Variants in FUNDC2 observed in about 807,000 individuals in gnomAD.
The protein encoded by FUNDC2 is FUN14 domain containing 2.
In FUNDC2, 4 loss-of-function variants were observed where a neutral mutation model predicts 15.6. The observed-to-expected ratio is 0.26, with a 90% confidence interval of 0.13 to 0.59. The LOEUF is 0.59. Among genes scored for constraint, FUNDC2 ranks in the 20% least tolerant of loss-of-function variants. FUNDC2 has a pLI of 0.90. For synonymous variants in FUNDC2, 44 were observed against 56.9 expected (o/e 0.77, Z 1.02); for missense variants, 98 against 149.7 (o/e 0.65, Z 1.80).
At chrX:155,033,907 A>G (rs1012384895) in intron 2 of FUNDC2, among the ~76,000 whole-genome samples, 2 of 112,553 alleles carry the variant, frequency 1.8e-5, no homozygotes, top group African/African-American at 6.5e-5. Context: ...GGAGCTAACT[A>G]CTTATTAGCT....
chrX:155,043,140 A>G (rs2073852823), intron 2 of FUNDC2, among the ~76,000 whole-genome samples: 1 of 111,112 alleles, frequency 9.0e-6, no homozygotes, highest in Non-Finnish European at 1.9e-5. Flanking sequence ...GGGACTCACT[A>G]TGTTGCCCAG....
In FUNDC2 at chrX:155,058,238, G is replaced by C. The variant is rs782159857; in HGVS notation, c.*3566G>C. On this transcript the variant is annotated 3_prime_UTR_variant, in exon 5 of 5. Transcript: ENST00000369498. ...CAAGTTGGCGGACTAGATTCTACAAGGAATGATCTCTTGCATAATTCTAGC... is the reference window on the plus strand; with the variant it reads ...CAAGTTGGCGGACTAGATTCTACAACGAATGATCTCTTGCATAATTCTAGC... 9.0e-6 allele frequency: 1 copy of C among 111,499 alleles called. No homozygotes were observed. Among genetic ancestry groups the C allele is most frequent in the Admixed American group, 9.5e-5 (1 of 10,518 alleles). The allele number at this position is 111,499 out of a possible 1,213,427, so 9.2% of individuals were successfully genotyped here.
intron 2 of FUNDC2, among the ~76,000 whole-genome samples, chrX:155,035,849 T>G (rs1354705651): frequency 8.9e-6 from 1 of 112,169 alleles, no homozygotes; most frequent in African/African-American, 3.2e-5. Flanking sequence ...AACAGTTCAT[T>G]CCTTTTTATT....
At chrX:155,048,585 C>CT (rs1207831732) in intron 3 of FUNDC2, among the ~76,000 whole-genome samples, 3 of 112,073 alleles carry the variant, frequency 2.7e-5, no homozygotes, top group Admixed American at 1.9e-4. Context: ...GTTGCAGCTA[C>CT]TTTTGTGTTT....
chrX:155,034,638 T>G (rs888419756), intron 2 of FUNDC2, among the ~76,000 whole-genome samples: 5 of 112,334 alleles, frequency 4.5e-5, no homozygotes, highest in Non-Finnish European at 9.4e-5. Context: ...AAGGACCAAA[T>G]GAACCTGTTG....
At chrX:155,041,942 G>A (rs1348238701) in intron 2 of FUNDC2, among the ~76,000 whole-genome samples, 4 of 106,852 alleles carry the variant, frequency 3.7e-5, no homozygotes, top group African/African-American at 1.4e-4. Context: ...GGTGGCGGGC[G>A]CCTGTAGTCC....
At chrX:155,039,401 C>T (rs965404462) in intron 2 of FUNDC2, among the ~76,000 whole-genome samples, 4 of 111,922 alleles carry the variant, frequency 3.6e-5, no homozygotes, top group South Asian at 3.6e-4. Context: ...CTCTGCTTTT[C>T]GGGTCATATC....
At position 155,036,588 on chromosome X, in the gene FUNDC2, G is replaced by A. The variant is rs181621270; in HGVS notation, c.284+3035G>A. ...TCCAGGGTCACCAAGATTTTCTCTC[G>A]CTTTTTCTAGATTGTATATAGGTTC... On this transcript the variant is annotated intron_variant, in intron 2 of 4. Coordinates refer to ENST00000369498, the MANE Select transcript of FUNDC2 (RefSeq NM_023934.4). Among the ~76,000 whole-genome samples the A allele has an allele frequency of 5.4e-5, 6 of 111,231 alleles. No individual in the cohort carries two copies. The East Asian group carries it at 1.1e-3, about 21-fold the overall frequency.
intron 1 of FUNDC2, 94 bp from the exon 2 acceptor site, chrX:155,033,309 T>G: frequency 1.4e-6 from 1 of 701,313 alleles, no homozygotes; most frequent in Non-Finnish European, 2.1e-6. Context: ...TATTTGGAGG[T>G]TTCTTATTAC....
At chrX:155,030,440 C>G (rs2092848010) in intron 1 of FUNDC2, among the ~76,000 whole-genome samples, 1 of 106,344 alleles carries the variant, frequency 9.4e-6, no homozygotes, top group Non-Finnish European at 1.9e-5. Flanking sequence ...ACTGGGGAGG[C>G]TGAGGTGGGA....
rs1213774274 is a variant in FUNDC2, at chrX:155,059,357, G to GA, written c.*4689dup. ...ACAAATGACTTACCCATTACGAAGG[G>GA]AAAACTACCTTTCTAGCTAAAAGGT... On this transcript the variant is annotated 3_prime_UTR_variant, in exon 5 of 5. Coordinates refer to ENST00000369498, the MANE Select transcript of FUNDC2 (RefSeq NM_023934.4). The GA allele has an allele frequency of 1.8e-5, 2 of 111,341 alleles. No individual in the cohort carries two copies. Among genetic ancestry groups the GA allele is most frequent in the East Asian group, 5.6e-4 (2 of 3,562 alleles). 9.2% of individuals were successfully genotyped at this position (111,341 alleles called of 1,213,427 possible). A position where few individuals can be genotyped will look rare whatever the true frequency, so the allele number is the denominator to read the frequency against.
chrX:155,028,118 G>GCCTTTTATAA (rs1557288459), intron 1 of FUNDC2, among the ~76,000 whole-genome samples: 1 of 111,457 alleles, frequency 9.0e-6, no homozygotes, highest in African/African-American at 3.3e-5. Flanking sequence ...TGCTCTTATA[G>GCCTTTTATAA]GTTGATCAGG....
chrX:155,046,625 C>G (rs2073863467), intron 3 of FUNDC2, 41 bp downstream of exon 3: 5 of 1,050,290 alleles, frequency 4.8e-6, no homozygotes, highest in Non-Finnish European at 5.3e-6. Context: ...GAAATTCCAC[C>G]TGCCCATTAA....
Position 155,054,629 on chromosome X carries a change from C to G in FUNDC2, c.527C>G (p.Thr176Ser). ...TTTGTGAAGAAGAATGTTCTAGTAACTGGGGGATTTTTCGGAGGCTTTCTG... is the reference window on the plus strand; with the variant it reads ...TTTGTGAAGAAGAATGTTCTAGTAAGTGGGGGATTTTTCGGAGGCTTTCTG... ...VSFVKKNVLV[T>S]GGFFGGFLLG... Residue 176 changes from threonine to serine, a missense_variant, in exon 5 of 5, where the codon ACT becomes AGT. Transcript: ENST00000369498. The G allele has an allele frequency of 8.3e-7, 1 of 1,211,195 alleles. No individual in the cohort carries two copies. Among genetic ancestry groups the G allele is most frequent in the Non-Finnish European group, 1.1e-6 (1 of 895,133 alleles).
chrX:155,033,769 A>T (rs1212803208), intron 2 of FUNDC2, among the ~76,000 whole-genome samples: 1 of 112,303 alleles, frequency 8.9e-6, no homozygotes, highest in Admixed American at 9.4e-5. Flanking sequence ...AAGTATTTAC[A>T]TAGATATCTC....
At position 155,053,807 on chromosome X, in the gene FUNDC2, T is replaced by C. The variant is rs1209614871; in HGVS notation, c.493-788T>C. On this transcript the variant is annotated intron_variant, in intron 4 of 4. Transcript: ENST00000369498. ...CAGGATGTTGGATGTCTTGTTCATA[T>C]GAACACTTTCTAAGGTGGTGATCAC... is the stretch of plus-strand genomic sequence containing the variant. The C allele has an allele frequency of 1.1e-5, 8 of 750,186 alleles. No homozygotes were observed. In the Admixed American group the frequency reaches 7.1e-4, roughly 66 times the overall value. The allele number at this position is 750,186 out of a possible 1,213,427, so 61.8% of individuals were successfully genotyped here.
rs1433685937 is a variant in FUNDC2 at position 155,060,166 on chromosome X, CT to C, written c.*5496del. The C allele has an allele frequency of 5.3e-5, 6 of 112,312 alleles. No individual in the cohort carries two copies. The highest frequency in any genetic ancestry group is 1.9e-4 in the African/African-American group (6 of 30,888). The allele number at this position is 112,312 out of a possible 1,213,427, so 9.3% of individuals were successfully genotyped here. On this transcript the variant is annotated 3_prime_UTR_variant, in exon 5 of 5. Coordinates refer to ENST00000369498, the MANE Select transcript of FUNDC2 (RefSeq NM_023934.4). Reference sequence around the variant, plus strand: ...GGAGTAGTTAACTCAGTAAAAATAACTTGGCAATAAAACACAGAAAAACAAT... The same window carrying C: ...GGAGTAGTTAACTCAGTAAAAATAACTGGCAATAAAACACAGAAAAACAAT...
chrX:155,055,527 A>G lies in FUNDC2; in HGVS notation c.*855A>G. On this transcript the variant is annotated 3_prime_UTR_variant, in exon 5 of 5. Transcript: ENST00000369498. Reference sequence around the variant, plus strand: ...GTAGCTTTCCAGGGATTCAGAATTAAGAAAGATAGTGATAGGACATGAGAA... The same window carrying G: ...GTAGCTTTCCAGGGATTCAGAATTAGGAAAGATAGTGATAGGACATGAGAA... 2 of 280,559 alleles carry G rather than the reference A, an allele frequency of 7.1e-6. No homozygotes were observed. The highest frequency in any genetic ancestry group is 1.3e-5 in the Non-Finnish European group (2 of 159,900). The allele number at this position is 280,559 out of a possible 1,213,427, so 23.1% of individuals were successfully genotyped here.
chrX:155,044,192 G>A (rs1353476798), intron 2 of FUNDC2, among the ~76,000 whole-genome samples: 1 of 111,899 alleles, frequency 8.9e-6, no homozygotes, highest in Non-Finnish European at 1.9e-5. Flanking sequence ...GCGGTTTGTC[G>A]ACCCCTGTTT....
Sources: allele counts gnomAD v4.1 joint callset (sites outside exome capture counted in the v4.1 genomes callset), GRCh38; gene constraint gnomAD v4.1.1; transcripts MANE v1.5; gene names NCBI Gene and HGNC (gene_info 2026-07-23, HGNC 2026-07-21).